The following DCC variants were observed in gnomAD, a reference collection of about 807,000 sequenced individuals.
DCC encodes the protein netrin receptor DCC.
A neutral mutation model predicts 172.5 loss-of-function variants in DCC; 58 were observed. The observed-to-expected ratio is 0.34, with a 90% CI of 0.27 to 0.42. The LOEUF (loss-of-function observed/expected upper bound fraction) is 0.42, where lower values mean the gene tolerates loss of function less well. DCC is among the 10% of genes least tolerant of loss of function. The probability of loss-of-function intolerance (pLI) is 1.00; values close to 1 mark genes in which losing one functional copy is unlikely to be tolerated. For synonymous variants in DCC, 709 were observed against 644.5 expected (o/e 1.10, Z -1.52); for missense variants, 1,740 against 1,791.0 (o/e 0.97, Z 0.51).
At chr18:52,752,425 A>C in intron 2 of DCC, 51 bp downstream of exon 2, 2 of 1,411,396 alleles carry the variant, frequency 1.4e-6, no homozygotes, top group Non-Finnish European at 2.0e-6. Context: ...TCTTCTTCTT[A>C]TTCATTTTTG....
intron 25 of DCC, among the ~76,000 whole-genome samples, chr18:53,485,775 A>G (rs2045893616): frequency 6.6e-6 from 1 of 152,088 alleles, no homozygotes; most frequent in South Asian, 2.1e-4. Flanking sequence ...GTTGCTTCTC[A>G]TTGAGTTACA....
At chr18:53,468,329 C>T (rs898886988) in intron 25 of DCC, among the ~76,000 whole-genome samples, 3 of 76,712 alleles carry the variant, frequency 3.9e-5, no homozygotes, top group Non-Finnish European at 5.9e-5. Context: ...TAATAATCAT[C>T]TCCATAGTTT....
At chr18:52,825,543 A>G (rs1478461370) in intron 2 of DCC, among the ~76,000 whole-genome samples, 1 of 152,186 alleles carries the variant, frequency 6.6e-6, no homozygotes, top group Non-Finnish European at 1.5e-5. Flanking sequence ...AATGGAAATT[A>G]CCTATTTTTT....
At chr18:53,218,496 A>G (rs1260307745) in intron 12 of DCC, among the ~76,000 whole-genome samples, 2 of 152,132 alleles carry the variant, frequency 1.3e-5, no homozygotes, top group African/African-American at 2.4e-5. Flanking sequence ...CTCTTACTGT[A>G]TCATTCTTGA....
chr18:52,827,784 T>C (rs2038538445), intron 2 of DCC, among the ~76,000 whole-genome samples: 1 of 152,180 alleles, frequency 6.6e-6, no homozygotes, highest in African/African-American at 2.4e-5. Flanking sequence ...AAAATGTATG[T>C]ATTCCCCTTG....
intron 12 of DCC, among the ~76,000 whole-genome samples, chr18:53,243,390 G>A (rs1203090015): frequency 6.6e-6 from 1 of 152,102 alleles, no homozygotes; most frequent in Non-Finnish European, 1.5e-5. Context: ...GCTGTCTTTA[G>A]CAATCACGTT....
intron 14 of DCC, among the ~76,000 whole-genome samples, chr18:53,323,945 A>G (rs2057439312): frequency 7.1e-6 from 1 of 140,162 alleles, no homozygotes. Flanking sequence ...AGCAGGTTCC[A>G]AATCTGACAA....
At chr18:53,051,106 T>C (rs556080454) in intron 5 of DCC, among the ~76,000 whole-genome samples, 1 of 152,194 alleles carries the variant, frequency 6.6e-6, no homozygotes, top group South Asian at 2.1e-4. Context: ...GGCGTGCGCC[T>C]GTAATCTCAG....
At chr18:53,276,517 TACTG>T (rs1348889064) in intron 12 of DCC, among the ~76,000 whole-genome samples, 1 of 152,182 alleles carries the variant, frequency 6.6e-6, no homozygotes, top group African/African-American at 2.4e-5. Flanking sequence ...CTTCTTTCCT[TACTG>T]ACCTTTCCAG....
At position 53,534,073 on chromosome 18, in the gene DCC, T is replaced by G. The variant is rs1484646387; in HGVS notation, c.*3420T>G. 1 of 152,214 alleles carries G rather than the reference T, an allele frequency of 6.6e-6. No individual in the cohort carries two copies. Among genetic ancestry groups the G allele is most frequent in the African/African-American group, 2.4e-5 (1 of 41,450 alleles). 9.4% of individuals were successfully genotyped at this position (152,214 alleles called of 1,614,324 possible). Reference sequence around the variant, plus strand: ...TGCTGATACTTATCCACCCTTTGGGTACTTCTGTTGACTTTGTTTAAATAA... The same window carrying G: ...TGCTGATACTTATCCACCCTTTGGGGACTTCTGTTGACTTTGTTTAAATAA... On this transcript the variant is annotated 3_prime_UTR_variant, in exon 29 of 29. Coordinates refer to ENST00000442544, the MANE Select transcript of DCC (RefSeq NM_005215.4).
intron 1 of DCC, among the ~76,000 whole-genome samples, chr18:52,568,248 AC>A (rs1199389101): frequency 2.0e-5 from 3 of 152,168 alleles, no homozygotes; most frequent in Non-Finnish European, 4.4e-5. Context: ...ATATGCTCTC[AC>A]AAAAAAAGCT....
At chr18:52,743,762 C>G (rs1198628015) in intron 1 of DCC, among the ~76,000 whole-genome samples, 1 of 152,212 alleles carries the variant, frequency 6.6e-6, no homozygotes, top group Non-Finnish European at 1.5e-5. Flanking sequence ...GAGATTTCAG[C>G]TGGGACAGTT....
At chr18:52,916,126 T>C (rs1330487098) in intron 3 of DCC, among the ~76,000 whole-genome samples, 1 of 152,016 alleles carries the variant, frequency 6.6e-6, no homozygotes, top group Non-Finnish European at 1.5e-5. Flanking sequence ...CATAGGAAAA[T>C]ACATACGCAA....
At chr18:52,874,226 A>T (rs979109457) in intron 2 of DCC, among the ~76,000 whole-genome samples, 1 of 152,214 alleles carries the variant, frequency 6.6e-6, no homozygotes, top group Non-Finnish European at 1.5e-5. Flanking sequence ...TAATATTTTT[A>T]AAAATTAACC....
intron 12 of DCC, among the ~76,000 whole-genome samples, chr18:53,238,713 TGA>T (rs1308726713): frequency 1.3e-5 from 2 of 152,108 alleles, no homozygotes; most frequent in Non-Finnish European, 2.9e-5. Context: ...CCTAGAGGAC[TGA>T]GACAAGCAGC....
intron 2 of DCC, among the ~76,000 whole-genome samples, chr18:52,845,701 G>T (rs970304765): frequency 1.3e-5 from 2 of 152,182 alleles, no homozygotes; most frequent in Non-Finnish European, 2.9e-5. Context: ...AGAAGTTTTA[G>T]AAGAAAAACT....
chr18:53,143,378 T>G (rs1598844791), intron 7 of DCC, among the ~76,000 whole-genome samples: 1 of 152,224 alleles, frequency 6.6e-6, no homozygotes, highest in Non-Finnish European at 1.5e-5. Flanking sequence ...GAATACAGGT[T>G]GGTTGCCCAG....
At chr18:53,125,521 C>T (rs2043542799) in intron 7 of DCC, among the ~76,000 whole-genome samples, 1 of 152,068 alleles carries the variant, frequency 6.6e-6, no homozygotes, top group African/African-American at 2.4e-5. Context: ...TTTATTGGTA[C>T]TCATCTTATA....
At chr18:52,921,559 TGTG>T (rs1311608147) in intron 3 of DCC, among the ~76,000 whole-genome samples, 1 of 151,672 alleles carries the variant, frequency 6.6e-6, no homozygotes, top group African/African-American at 2.4e-5. Context: ...ATGAGCCAGG[TGTG>T]GTGGTACATG....
Sources: gnomAD v4.1 joint callset for allele counts (sites outside exome capture counted in the v4.1 genomes callset) on GRCh38, gnomAD v4.1.1 for gene constraint, MANE v1.5 for transcripts, NCBI Gene and HGNC (gene_info 2026-07-23, HGNC 2026-07-21) for gene names.